The following ASIC2 variants were observed in gnomAD, a reference collection of about 807,000 sequenced individuals.
ASIC2 encodes acid-sensing ion channel 2.
In ASIC2, 25 loss-of-function variants were observed where a neutral mutation model predicts 57.3. The ratio of observed to expected loss-of-function variants is 0.44; its 90% CI spans 0.32 to 0.61. The LOEUF (loss-of-function observed/expected upper bound fraction) is 0.61, where lower values mean the gene tolerates loss of function less well. ASIC2 is among the 20% of genes least tolerant of loss of function. The probability of loss-of-function intolerance (pLI) is 0.06; values close to 1 mark genes in which losing one functional copy is unlikely to be tolerated. For synonymous variants in ASIC2, 319 were observed against 307.5 expected (o/e 1.04, Z -0.39); for missense variants, 641 against 738.1 (o/e 0.87, Z 1.52).
At chr17:33,161,735 C>G (rs1019412) in intron 1 of ASIC2, among the ~76,000 whole-genome samples, 1 of 151,812 alleles carries the variant, frequency 6.6e-6, no homozygotes, top group Admixed American at 6.6e-5. Flanking sequence ...TCTTTCCCCA[C>G]GGCATTTTAT....
chr17:34,003,654 C>T (rs1906422947), intron 1 of ASIC2: 1 of 152,092 alleles, frequency 6.6e-6, no homozygotes, highest in Non-Finnish European at 1.5e-5. Flanking sequence ...TCAGTATTTT[C>T]CTCACCATTT....
intron 1 of ASIC2, among the ~76,000 whole-genome samples, chr17:33,763,627 T>TCACTAC (rs1188685438): frequency 6.6e-6 from 1 of 152,058 alleles, no homozygotes; most frequent in African/African-American, 2.4e-5. Context: ...GTGAGATGAG[T>TCACTAC]CACTACTGTG....
intron 3 of ASIC2, among the ~76,000 whole-genome samples, chr17:33,032,451 T>G (rs2091887881): frequency 1.7e-5 from 1 of 58,812 alleles, no homozygotes; most frequent in African/African-American, 4.5e-5. Context: ...TTTTTTTTTT[T>G]TTTTTTTTTT....
At chr17:34,132,085 C>T (rs9913938) in intron 1 of ASIC2, among the ~76,000 whole-genome samples, 21,755 of 152,166 alleles carry the variant, frequency 0.14, 1,954 homozygotes, top group African/African-American at 0.26. Flanking sequence ...CTGCAGGGGA[C>T]ACAAGAATGT....
At chr17:33,664,739 T>C (rs1907414721) in intron 1 of ASIC2, among the ~76,000 whole-genome samples, 1 of 152,184 alleles carries the variant, frequency 6.6e-6, no homozygotes. Flanking sequence ...AGTTCACGTG[T>C]TCCCAGCAAA....
chr17:33,896,952 AT>A (rs1179083595), intron 1 of ASIC2, among the ~76,000 whole-genome samples: 1 of 152,220 alleles, frequency 6.6e-6, no homozygotes, highest in Non-Finnish European at 1.5e-5. Context: ...TGGCCGAAAA[AT>A]GAACCAGACA....
chr17:33,462,449 G>A (rs1001502814), intron 1 of ASIC2, among the ~76,000 whole-genome samples: 1 of 152,208 alleles, frequency 6.6e-6, no homozygotes, highest in African/African-American at 2.4e-5. Flanking sequence ...CTCTGACTAT[G>A]TGGATAATAC....
At chr17:34,004,126 C>T (rs2142016953) in intron 1 of ASIC2, 1 of 152,236 alleles carries the variant, frequency 6.6e-6, no homozygotes, top group Admixed American at 6.5e-5. Flanking sequence ...TACTTTATCT[C>T]TTATCCTCAG....
intron 1 of ASIC2, among the ~76,000 whole-genome samples, chr17:33,585,515 G>A (rs1904594494): frequency 6.6e-6 from 1 of 152,214 alleles, no homozygotes; most frequent in Non-Finnish European, 1.5e-5. Flanking sequence ...TTCCCACCCA[G>A]AGTGGAGAAA....
chr17:33,040,220 C>G (rs2091924478), intron 3 of ASIC2, among the ~76,000 whole-genome samples: 1 of 152,212 alleles, frequency 6.6e-6, no homozygotes, highest in Admixed American at 6.5e-5. Flanking sequence ...TGGAGCCCAC[C>G]TGGCCATGCC....
chr17:33,854,460 C>A (rs573211779), intron 1 of ASIC2, among the ~76,000 whole-genome samples: 3 of 152,158 alleles, frequency 2.0e-5, no homozygotes, highest in Non-Finnish European at 4.4e-5. Flanking sequence ...GTGCAGTGAA[C>A]ATATATATTT....
intron 1 of ASIC2, among the ~76,000 whole-genome samples, chr17:33,722,980 T>C (rs1909433893): frequency 6.6e-6 from 1 of 152,004 alleles, no homozygotes; most frequent in South Asian, 2.1e-4. Context: ...AGGAGGTGAG[T>C]AAAACCACAC....
intron 3 of ASIC2, among the ~76,000 whole-genome samples, chr17:33,074,815 G>A (rs1410791076): frequency 6.6e-6 from 1 of 152,162 alleles, no homozygotes; most frequent in Non-Finnish European, 1.5e-5. Context: ...GAGATACTGG[G>A]TATGCTGCAT....
chr17:33,404,728 A>T lies in ASIC2; in HGVS notation c.556-292661T>A, dbSNP rs542896317. Among the ~76,000 whole-genome samples the T allele has an allele frequency of 8.5e-5, 13 of 152,350 alleles. No individual in the cohort carries two copies. In the South Asian group the frequency reaches 2.7e-3, roughly 32 times the overall value. On this transcript the variant is annotated intron_variant, in intron 1 of 9. Coordinates refer to the ASIC2 transcript ENST00000359872. ...GAGAGCAGAATGTTTGCACTTCTTT[A>T]GCCTAGATACACAAAGAAATATTTT...
chr17:33,446,712 G>GT (rs1912034731), intron 1 of ASIC2, among the ~76,000 whole-genome samples: 1 of 152,122 alleles, frequency 6.6e-6, no homozygotes, highest in African/African-American at 2.4e-5. Flanking sequence ...TTTCATCCCA[G>GT]TACCTTGCAC....
chr17:33,402,570 G>A (rs765316103), intron 1 of ASIC2, among the ~76,000 whole-genome samples: 4 of 152,104 alleles, frequency 2.6e-5, no homozygotes, highest in Non-Finnish European at 5.9e-5. Context: ...AGTTTGCTGA[G>A]GATAATGGCT....
At chr17:34,109,975 AGAGAT>A (rs148446002) in intron 1 of ASIC2, among the ~76,000 whole-genome samples, 5,988 of 151,882 alleles carry the variant, frequency 0.039, 332 homozygotes, top group African/African-American at 0.12. Flanking sequence ...AGAGAGAGAG[AGAGAT>A]GAGATGAGAT....
At chr17:33,223,445 A>G (rs1308898316) in intron 1 of ASIC2, among the ~76,000 whole-genome samples, 2 of 152,104 alleles carry the variant, frequency 1.3e-5, no homozygotes, top group African/African-American at 2.4e-5. Flanking sequence ...AGCCTCCCAA[A>G]GTGCTGGGAT....
chr17:33,215,941 C>T (rs887792574), intron 1 of ASIC2, among the ~76,000 whole-genome samples: 32 of 152,086 alleles, frequency 2.1e-4, no homozygotes, highest in African/African-American at 4.6e-4. Context: ...CCTCGTGATC[C>T]GCCCGCCTCG....
Sources: gnomAD v4.1 joint callset for allele counts (sites outside exome capture counted in the v4.1 genomes callset) on GRCh38, gnomAD v4.1.1 for gene constraint, MANE v1.5 for transcripts, NCBI Gene and HGNC (gene_info 2026-07-23, HGNC 2026-07-21) for gene names.